CHIC1: variants seen among roughly 807,000 people sequenced by gnomAD.
The protein encoded by CHIC1 is cysteine rich hydrophobic domain 1, also known as cysteine-rich hydrophobic domain-containing protein 1.
A neutral mutation model predicts 18.5 loss-of-function variants in CHIC1; 7 were observed. The ratio of observed to expected loss-of-function variants is 0.38; its 90% CI spans 0.22 to 0.71. The LOEUF is 0.71. Among genes scored for constraint, CHIC1 ranks in the 30% least tolerant of loss-of-function variants. The pLI is 0.49. For synonymous variants in CHIC1, 77 were observed against 73.5 expected (o/e 1.05, Z -0.25); for missense variants, 159 against 176.9 (o/e 0.90, Z 0.57).
intron 1 of CHIC1, among the ~76,000 whole-genome samples, chrX:73,568,673 T>TTACTTA (rs2147536383): frequency 9.0e-6 from 1 of 111,594 alleles, no homozygotes; most frequent in East Asian, 2.8e-4. Flanking sequence ...TTAAAATAGA[T>TTACTTA]AGATGTTTAC....
intron 3 of CHIC1, among the ~76,000 whole-genome samples, chrX:73,637,733 T>A (rs1304423696): frequency 8.9e-6 from 1 of 111,812 alleles, no homozygotes; most frequent in African/African-American, 3.2e-5. Flanking sequence ...TCTCTTTTTT[T>A]AAATTTTAAT....
rs892659176 is a variant in CHIC1 at position 73,637,734 on chromosome X, A to T, written c.508-41592A>T. Among the ~76,000 whole-genome samples the T allele has an allele frequency of 1.1e-4, 12 of 110,541 alleles. 1 individual carries two copies. Among genetic ancestry groups the T allele is most frequent in the East Asian group, 8.5e-4 (3 of 3,542 alleles). Reference sequence around the variant, plus strand: ...TTTTACATATTCTATCTCTTTTTTTAAATTTTAATTTTATCATTTTCTTAA... The same window carrying T: ...TTTTACATATTCTATCTCTTTTTTTTAATTTTAATTTTATCATTTTCTTAA... On this transcript the variant is annotated intron_variant, in intron 3 of 5. Coordinates refer to ENST00000373502, the MANE Select transcript of CHIC1 (RefSeq NM_001039840.4).
At chrX:73,570,079 C>T (rs977633931) in intron 1 of CHIC1, among the ~76,000 whole-genome samples, 1 of 111,821 alleles carries the variant, frequency 8.9e-6, no homozygotes, top group African/African-American at 3.2e-5. Flanking sequence ...AAAGTATAGG[C>T]TTTGCTTTAC....
At chrX:73,659,559 T>A (rs2057969588) in intron 3 of CHIC1, among the ~76,000 whole-genome samples, 1 of 110,526 alleles carries the variant, frequency 9.0e-6, no homozygotes, top group Non-Finnish European at 1.9e-5. Context: ...ATTGTCTCCT[T>A]AATACCATGA....
rs372566106 is a variant in CHIC1 at position 73,582,613 on chromosome X, C to T, written c.352-1804C>T. 1.4e-4 allele frequency among the ~76,000 whole-genome samples: 16 copies of T among 110,468 alleles called. No homozygotes were observed. In the East Asian group the frequency reaches 4.6e-3, roughly 32 times the overall value. ...GTTACTTGAGTAAACCCATTGCCTT[C>T]AGGTGAGACTTCATGCAGAAGAGAG... On this transcript the variant is annotated intron_variant, in intron 2 of 5. Coordinates refer to ENST00000373502, the MANE Select transcript of CHIC1 (RefSeq NM_001039840.4).
At chrX:73,641,509 A>AT (rs1421125118) in intron 3 of CHIC1, among the ~76,000 whole-genome samples, 3 of 110,408 alleles carry the variant, frequency 2.7e-5, no homozygotes, top group Admixed American at 9.7e-5. Context: ...TATGAGATCA[A>AT]TTTTTTTAAA....
At chrX:73,670,811 G>T (rs981991151) in intron 3 of CHIC1, among the ~76,000 whole-genome samples, 9 of 110,811 alleles carry the variant, frequency 8.1e-5, no homozygotes, top group African/African-American at 9.8e-5. Context: ...TCCATGTATT[G>T]GTACAGTTTC....
At chrX:73,634,965 A>G (rs1393575859) in intron 3 of CHIC1, among the ~76,000 whole-genome samples, 1 of 111,092 alleles carries the variant, frequency 9.0e-6, no homozygotes, top group Non-Finnish European at 1.9e-5. Flanking sequence ...TTTTTGCTGT[A>G]TTACAGTGCT....
intron 3 of CHIC1, among the ~76,000 whole-genome samples, chrX:73,631,857 C>G (rs942868406): frequency 8.1e-5 from 9 of 110,974 alleles, no homozygotes; most frequent in Non-Finnish European, 1.5e-4. Context: ...AATTTTTATC[C>G]TGTTATTTCT....
At chrX:73,598,259 T>C (rs12557342) in intron 3 of CHIC1, among the ~76,000 whole-genome samples, 11,634 of 110,681 alleles carry the variant, frequency 0.11, 504 homozygotes, top group African/African-American at 0.12. Context: ...TGTTGTTTCC[T>C]GACTTTTTAA....
At chrX:73,673,917 T>C (rs1307491758) in intron 3 of CHIC1, among the ~76,000 whole-genome samples, 1 of 111,992 alleles carries the variant, frequency 8.9e-6, no homozygotes, top group South Asian at 3.7e-4. Flanking sequence ...TTTTGAGATA[T>C]GTCCCATCAA....
At chrX:73,587,058 T>C (rs1187852807) in intron 3 of CHIC1, among the ~76,000 whole-genome samples, 1 of 111,904 alleles carries the variant, frequency 8.9e-6, no homozygotes, top group Non-Finnish European at 1.9e-5. Context: ...CTATGGGCTG[T>C]TGTTTGACAC....
chrX:73,659,612 G>A (rs1361577359), intron 3 of CHIC1, among the ~76,000 whole-genome samples: 1 of 111,101 alleles, frequency 9.0e-6, no homozygotes, highest in East Asian at 2.8e-4. Context: ...AGTGATACAA[G>A]AGGCGAACCA....
intron 3 of CHIC1, among the ~76,000 whole-genome samples, chrX:73,628,835 G>A (rs1421985565): frequency 9.0e-6 from 1 of 110,977 alleles, no homozygotes; most frequent in African/African-American, 3.3e-5. Context: ...GTGGGGGTGA[G>A]GACGATTGGT....
At chrX:73,621,881 G>C (rs181249713) in intron 3 of CHIC1, among the ~76,000 whole-genome samples, 20 of 111,987 alleles carry the variant, frequency 1.8e-4, no homozygotes, top group African/African-American at 6.2e-4. Flanking sequence ...TAAATATCTA[G>C]TTTATTGAGA....
chrX:73,650,729 CA>C (rs2057912355), intron 3 of CHIC1, among the ~76,000 whole-genome samples: 1 of 100,895 alleles, frequency 9.9e-6, no homozygotes, highest in Admixed American at 1.1e-4. Flanking sequence ...AGCCCAGAAG[CA>C]GACAGATTCA....
chrX:73,570,098 C>A (rs1028148870), intron 1 of CHIC1, among the ~76,000 whole-genome samples: 2 of 111,647 alleles, frequency 1.8e-5, no homozygotes, highest in African/African-American at 6.5e-5. Context: ...ACAAAGCTAA[C>A]AGGAACATTG....
At chrX:73,671,343 C>T (rs1308793264) in intron 3 of CHIC1, among the ~76,000 whole-genome samples, 1 of 112,175 alleles carries the variant, frequency 8.9e-6, no homozygotes, top group East Asian at 2.8e-4. Flanking sequence ...TCTCCCAAGA[C>T]TTGGGAAGTT....
intron 1 of CHIC1, among the ~76,000 whole-genome samples, chrX:73,567,075 A>G (rs1312167999): frequency 9.0e-6 from 1 of 111,132 alleles, no homozygotes; most frequent in Non-Finnish European, 1.9e-5. Flanking sequence ...TTAACTGTTC[A>G]TTCATGGGCT....
Sources: allele counts gnomAD v4.1 joint callset (sites outside exome capture counted in the v4.1 genomes callset), GRCh38; gene constraint gnomAD v4.1.1; transcripts MANE v1.5; gene names NCBI Gene and HGNC (gene_info 2026-07-23, HGNC 2026-07-21).